The following KIF26B variants were observed in gnomAD, a reference collection of about 807,000 sequenced individuals.
KIF26B encodes kinesin family member 26B.
In KIF26B, 63 loss-of-function variants were observed where a neutral mutation model predicts 151.2. The ratio of observed to expected loss-of-function variants is 0.42; its 90% CI spans 0.34 to 0.51. The LOEUF (loss-of-function observed/expected upper bound fraction) is 0.51, where lower values mean the gene tolerates loss of function less well. Among genes scored for constraint, KIF26B ranks in the 20% least tolerant of loss-of-function variants. The probability of loss-of-function intolerance (pLI) is 0.07; values close to 1 mark genes in which losing one functional copy is unlikely to be tolerated. For missense variants in KIF26B, 2,813 were observed against 2,913.6 expected, an observed-to-expected ratio of 0.97 and a Z score of 0.79; for synonymous variants, 1,357 against 1,262.1, an observed-to-expected ratio of 1.08 and a Z score of -1.59.
At chr1:245,683,296 G>T (rs908639744) in intron 10 of KIF26B, among the ~76,000 whole-genome samples, 29 of 149,764 alleles carry the variant, frequency 1.9e-4, no homozygotes, top group Admixed American at 6.0e-4. Flanking sequence ...TGAGCACGCG[G>T]CATGGGAAAT....
At position 245,616,808 on chromosome 1, in the gene KIF26B, C is replaced by T. The variant is rs576289825; in HGVS notation, c.2098+4832C>T. Among the ~76,000 whole-genome samples, 28 of 152,244 alleles carry T rather than the reference C, an allele frequency of 1.8e-4. No homozygotes were observed. In the South Asian group the frequency reaches 4.6e-3, roughly 25 times the overall value. Reference sequence around the variant, plus strand: ...GGACTAGTGATACTTCAGGGTAATGCGCTAATGATACGGAGATCGCACCTG... The same window carrying T: ...GGACTAGTGATACTTCAGGGTAATGTGCTAATGATACGGAGATCGCACCTG... On this transcript the variant is annotated intron_variant, in intron 9 of 14. Coordinates refer to ENST00000407071, the MANE Select transcript of KIF26B (RefSeq NM_018012.4).
intron 4 of KIF26B, among the ~76,000 whole-genome samples, chr1:245,526,485 A>G (rs6698390): frequency 0.2 from 31,100 of 152,174 alleles, 3,489 homozygotes; most frequent in East Asian, 0.46. Context: ...CCTTTGAAAT[A>G]ACCTTAATGA....
At chr1:245,339,683 A>G (rs1195112812) in intron 2 of KIF26B, among the ~76,000 whole-genome samples, 2 of 152,258 alleles carry the variant, frequency 1.3e-5, no homozygotes, top group African/African-American at 2.4e-5. Flanking sequence ...TCATGAATAT[A>G]TATTTTCACC....
chr1:245,323,686 G>T (rs1176794512), intron 2 of KIF26B, among the ~76,000 whole-genome samples: 1 of 152,190 alleles, frequency 6.6e-6, no homozygotes, highest in Non-Finnish European at 1.5e-5. Flanking sequence ...CACTCTCAAA[G>T]GTACCACCTG....
At chr1:245,481,104 A>G (rs968673387) in intron 4 of KIF26B, among the ~76,000 whole-genome samples, 1 of 151,880 alleles carries the variant, frequency 6.6e-6, no homozygotes, top group East Asian at 1.9e-4. Context: ...CCTATTTAAA[A>G]TGCCACCTAT....
intron 2 of KIF26B, among the ~76,000 whole-genome samples, chr1:245,268,155 C>G (rs1409183410): frequency 5.9e-5 from 9 of 151,926 alleles, no homozygotes; most frequent in Admixed American, 5.2e-4. Context: ...CTGGGTGACA[C>G]AGCAGGACCC....
At chr1:245,228,785 A>G (rs981299047) in intron 2 of KIF26B, among the ~76,000 whole-genome samples, 2 of 152,044 alleles carry the variant, frequency 1.3e-5, no homozygotes, top group Non-Finnish European at 2.9e-5. Flanking sequence ...AGGTTGCTTC[A>G]CCCCTGGAGG....
intron 9 of KIF26B, among the ~76,000 whole-genome samples, chr1:245,616,128 G>T (rs781718947): frequency 2.6e-5 from 4 of 152,142 alleles, no homozygotes; most frequent in Non-Finnish European, 5.9e-5. Flanking sequence ...ACACACAAAT[G>T]CATTTTACAC....
intron 2 of KIF26B, among the ~76,000 whole-genome samples, chr1:245,219,786 C>G (rs569743772): frequency 3.9e-5 from 6 of 152,252 alleles, no homozygotes; most frequent in African/African-American, 1.4e-4. Context: ...CCAGGTGTGT[C>G]TTCCTGAGTT....
At chr1:245,348,734 A>G (rs1009228135) in intron 2 of KIF26B, among the ~76,000 whole-genome samples, 3 of 152,090 alleles carry the variant, frequency 2.0e-5, no homozygotes, top group Admixed American at 6.5e-5. Flanking sequence ...CTCTGGCCTC[A>G]TGTCCAACCA....
intron 2 of KIF26B, among the ~76,000 whole-genome samples, chr1:245,322,844 C>A (rs975117864): frequency 3.3e-5 from 5 of 152,200 alleles, no homozygotes; most frequent in Non-Finnish European, 7.3e-5. Flanking sequence ...AATGCTCATT[C>A]TTCTAGTGCC....
intron 2 of KIF26B, among the ~76,000 whole-genome samples, chr1:245,344,631 C>A (rs1400264079): frequency 6.6e-6 from 1 of 151,868 alleles, no homozygotes; most frequent in Non-Finnish European, 1.5e-5. Context: ...TCAGTAATTG[C>A]CACACTCCTG....
intron 2 of KIF26B, among the ~76,000 whole-genome samples, chr1:245,228,482 C>T (rs539850202): frequency 6.6e-6 from 1 of 151,832 alleles, no homozygotes; most frequent in Non-Finnish European, 1.5e-5. Flanking sequence ...AGGAGAATTG[C>T]TTGAAACTGG....
intron 2 of KIF26B, among the ~76,000 whole-genome samples, chr1:245,187,128 T>G (rs1039700517): frequency 2.6e-5 from 4 of 152,238 alleles, no homozygotes; most frequent in African/African-American, 9.6e-5. Flanking sequence ...GTGCCGGGAT[T>G]ACAGGTGTGA....
At position 245,688,730 on chromosome 1, in the gene KIF26B, A is replaced by G; in HGVS notation, c.5747A>G (p.Asp1916Gly). ...ACCGGCAGCGCGTCCTCGGCGCAGG[A>G]CTCCACGAGCGAGAACAGCAGCTCC... Reference protein sequence around the residue: ...EATGSASSAQDSTSENSSSVG... With the variant: ...EATGSASSAQGSTSENSSSVG... Residue 1916 changes from aspartate (D) to glycine (G), a missense_variant, in exon 12 of 15, where the codon GAC (aspartate) becomes GGC (glycine). This residue lies in a region of KIF26B where 2,060 missense variants were observed against 2,088.6 expected (regional missense o/e 0.99). Coordinates refer to ENST00000407071, the MANE Select transcript of KIF26B (RefSeq NM_018012.4). 2 of 1,608,946 alleles carry G rather than the reference A, an allele frequency of 1.2e-6. No homozygotes were observed. Among genetic ancestry groups the G allele is most frequent in the Non-Finnish European group, 1.7e-6 (2 of 1,178,184 alleles).
chr1:245,486,977 G>A (rs778099441), intron 4 of KIF26B, among the ~76,000 whole-genome samples: 5 of 152,196 alleles, frequency 3.3e-5, no homozygotes, highest in Admixed American at 1.3e-4. Context: ...CCATAGAACT[G>A]TCCCAAAGTC....
At chr1:245,289,601 A>G (rs56404045) in intron 2 of KIF26B, among the ~76,000 whole-genome samples, 6,225 of 152,162 alleles carry the variant, frequency 0.041, 154 homozygotes, top group African/African-American at 0.061. Flanking sequence ...GAATAACAAC[A>G]GAATCAGAGC....
At chr1:245,389,641 A>G (rs2103021449) in intron 3 of KIF26B, among the ~76,000 whole-genome samples, 1 of 152,364 alleles carries the variant, frequency 6.6e-6, no homozygotes, top group East Asian at 1.9e-4. Flanking sequence ...TCCCTTGAAT[A>G]TTTGACGCAG....
At chr1:245,323,929 G>A (rs1209671373) in intron 2 of KIF26B, among the ~76,000 whole-genome samples, 1 of 150,076 alleles carries the variant, frequency 6.7e-6, no homozygotes, top group African/African-American at 2.5e-5. Context: ...AGGTGGAGGT[G>A]GGGTAGACCC....
Sources: allele counts gnomAD v4.1 joint callset (sites outside exome capture counted in the v4.1 genomes callset), GRCh38; gene constraint gnomAD v4.1.1; regional missense constraint gnomAD v4.1.1; transcripts MANE v1.5; gene names NCBI Gene and HGNC (gene_info 2026-07-23, HGNC 2026-07-21).